Variants in AUTS2 observed in about 807,000 individuals in gnomAD.
The protein encoded by AUTS2 is autism susceptibility gene 2 protein.
A neutral mutation model predicts 112.4 loss-of-function variants in AUTS2; 17 were observed. The observed-to-expected ratio is 0.15, with a 90% confidence interval of 0.10 to 0.23. The LOEUF is 0.23. AUTS2 is among the 10% of genes least tolerant of loss of function. The pLI is 1.00. For synonymous variants in AUTS2, 751 were observed against 702.7 expected (o/e 1.07, Z -1.09); for missense variants, 1,510 against 1,701.6 (o/e 0.89, Z 1.98).
intron 4 of AUTS2, among the ~76,000 whole-genome samples, chr7:70,211,349 A>T (rs747961446): frequency 9.8e-4 from 98 of 99,814 alleles, no homozygotes; most frequent in Middle Eastern, 5.8e-3. Flanking sequence ...TTTTTTTTTT[A>T]AAAGAAAAAA....
chr7:70,404,408 A>G (rs770992494), intron 4 of AUTS2, among the ~76,000 whole-genome samples: 1 of 152,170 alleles, frequency 6.6e-6, no homozygotes, highest in Non-Finnish European at 1.5e-5. Flanking sequence ...CTTAGGAAAT[A>G]TTCAGTTGTA....
At chr7:69,632,163 T>C (rs1794276227) in intron 1 of AUTS2, among the ~76,000 whole-genome samples, 1 of 152,234 alleles carries the variant, frequency 6.6e-6, no homozygotes, top group African/African-American at 2.4e-5. Context: ...AATGTATTTT[T>C]AGGCTGTTCA....
chr7:70,611,859 A>G (rs1804109743), intron 5 of AUTS2, among the ~76,000 whole-genome samples: 1 of 152,224 alleles, frequency 6.6e-6, no homozygotes, highest in African/African-American at 2.4e-5. Flanking sequence ...TTAGTCCGTC[A>G]CGTGGGCATC....
At chr7:70,508,303 G>A (rs1216134610) in intron 5 of AUTS2, among the ~76,000 whole-genome samples, 5 of 152,074 alleles carry the variant, frequency 3.3e-5, no homozygotes, top group African/African-American at 1.2e-4. Flanking sequence ...AAGAAAGGGA[G>A]GGAAGTGAAG....
In AUTS2 at chr7:69,670,604, C is replaced by T. The variant is rs188631003; in HGVS notation, c.309+70642C>T. ...AAAAAAAAAAAAAGCAGCTGGGTAC[C>T]GTGGCACGTGCTGTGTAATCCCAGC... is the stretch of plus-strand genomic sequence containing the variant. On this transcript the variant is annotated intron_variant, in intron 1 of 18. Coordinates refer to ENST00000342771, the MANE Select transcript of AUTS2 (RefSeq NM_015570.4). Among the ~76,000 whole-genome samples the T allele has an allele frequency of 1.1e-4, 16 of 143,830 alleles. No homozygotes were observed. The South Asian group carries it at 3.4e-3, about 31-fold the overall frequency. 94.4% of individuals were successfully genotyped at this position (143,830 alleles called of 152,430 possible).
intron 5 of AUTS2, among the ~76,000 whole-genome samples, chr7:70,522,515 C>G (rs1379911000): frequency 6.6e-6 from 1 of 152,166 alleles, no homozygotes; most frequent in African/African-American, 2.4e-5. Flanking sequence ...TCCATGTATA[C>G]CCAATATTTA....
At chr7:69,654,803 T>C (rs1336550895) in intron 1 of AUTS2, among the ~76,000 whole-genome samples, 2 of 152,172 alleles carry the variant, frequency 1.3e-5, no homozygotes, top group Non-Finnish European at 2.9e-5. Flanking sequence ...GGGTGGTCTT[T>C]GATGATGGCA....
intron 5 of AUTS2, among the ~76,000 whole-genome samples, chr7:70,679,648 G>T (rs1013223014): frequency 6.6e-5 from 10 of 151,614 alleles, no homozygotes; most frequent in African/African-American, 2.4e-4. Context: ...GTCCCTGTCC[G>T]CTTCTAGCCC....
At chr7:69,925,523 C>T (rs1381689429) in intron 2 of AUTS2, among the ~76,000 whole-genome samples, 1 of 152,050 alleles carries the variant, frequency 6.6e-6, no homozygotes, top group Non-Finnish European at 1.5e-5. Context: ...TAGGGGTTTT[C>T]CAGGGATCTT....
At chr7:70,733,545 C>G (rs1395614442) in intron 6 of AUTS2, among the ~76,000 whole-genome samples, 13 of 139,846 alleles carry the variant, frequency 9.3e-5, no homozygotes, top group African/African-American at 3.2e-4. Context: ...CACCCCCCTA[C>G]CCCCACATCT....
chr7:69,878,935 C>G (rs907555080), intron 1 of AUTS2, among the ~76,000 whole-genome samples: 1 of 152,154 alleles, frequency 6.6e-6, no homozygotes, highest in Non-Finnish European at 1.5e-5. Flanking sequence ...TTTCTGTGTT[C>G]TTACAGCTGA....
chr7:70,491,665 A>C (rs1426217465), intron 5 of AUTS2, among the ~76,000 whole-genome samples: 3 of 150,548 alleles, frequency 2.0e-5, no homozygotes, highest in Non-Finnish European at 4.4e-5. Flanking sequence ...TCCAGGCTAG[A>C]GTGCAGTGGC....
At chr7:70,669,711 G>C (rs960605522) in intron 5 of AUTS2, among the ~76,000 whole-genome samples, 1 of 152,184 alleles carries the variant, frequency 6.6e-6, no homozygotes, top group African/African-American at 2.4e-5. Context: ...TCTCCTTTGA[G>C]AGTTGAAGTC....
At chr7:70,189,564 A>G (rs1809777108) in intron 4 of AUTS2, among the ~76,000 whole-genome samples, 1 of 152,204 alleles carries the variant, frequency 6.6e-6, no homozygotes, top group Non-Finnish European at 1.5e-5. Context: ...CACTTGGAGG[A>G]CAATCAGTGT....
chr7:70,419,993 A>G (rs1795148879), intron 4 of AUTS2, among the ~76,000 whole-genome samples: 1 of 152,200 alleles, frequency 6.6e-6, no homozygotes, highest in Non-Finnish European at 1.5e-5. Flanking sequence ...AGTGATAATT[A>G]TCTCAGAGCC....
At chr7:70,148,728 A>G (rs912172068) in intron 4 of AUTS2, among the ~76,000 whole-genome samples, 9 of 152,116 alleles carry the variant, frequency 5.9e-5, no homozygotes, top group Admixed American at 4.6e-4. Context: ...AGGAAACATA[A>G]AAGTAAAACA....
At chr7:70,434,059 G>A (rs180696187) in intron 4 of AUTS2, among the ~76,000 whole-genome samples, 1 of 152,172 alleles carries the variant, frequency 6.6e-6, no homozygotes, top group Non-Finnish European at 1.5e-5. Flanking sequence ...CCTCATTTTT[G>A]CAAGATGGCT....
At chr7:70,663,388 C>T (rs566711051) in intron 5 of AUTS2, among the ~76,000 whole-genome samples, 79 of 152,264 alleles carry the variant, frequency 5.2e-4, no homozygotes, top group Admixed American at 1.1e-3. Context: ...AACAGCGGGA[C>T]TCTGTCTTTT....
intron 2 of AUTS2, among the ~76,000 whole-genome samples, chr7:69,998,412 A>G (rs1260637376): frequency 6.6e-6 from 1 of 152,114 alleles, no homozygotes; most frequent in African/African-American, 2.4e-5. Flanking sequence ...GAGCCTTCCA[A>G]GTGGCCCACC....
Sources: allele counts gnomAD v4.1 joint callset (sites outside exome capture counted in the v4.1 genomes callset), GRCh38; gene constraint gnomAD v4.1.1; transcripts MANE v1.5; gene names NCBI Gene and HGNC (gene_info 2026-07-23, HGNC 2026-07-21).